The following HTT variants were observed in gnomAD, a reference collection of about 807,000 sequenced individuals.
The protein encoded by HTT is huntingtin.
Under a neutral mutation model 362.3 loss-of-function variants are expected in HTT, and 104 were observed. That is an observed-to-expected ratio of 0.29 (90% CI 0.24 to 0.34). HTT has a LOEUF of 0.34. Among genes scored for constraint, HTT ranks in the 10% least tolerant of loss-of-function variants. HTT has a pLI of 1.00. For missense variants in HTT, 3,301 were observed against 3,928.6 expected (o/e 0.84, Z 4.27); for synonymous variants, 1,577 against 1,548.7 (o/e 1.02, Z -0.43).
In HTT at chr4:3,218,489, C is replaced by T. The variant is rs551199178; in HGVS notation, c.7242+537C>T. 2.0e-4 allele frequency among the ~76,000 whole-genome samples: 30 copies of T among 152,116 alleles called. 1 individual carries two copies. Among genetic ancestry groups the T allele is most frequent in the African/African-American group, 6.7e-4 (28 of 41,492 alleles). ...CTCTACTAAAAATATAAAAATTAGCCAGGTGTGGTGGTGTACGCCTGTAAT... is the reference window on the plus strand; with the variant it reads ...CTCTACTAAAAATATAAAAATTAGCTAGGTGTGGTGGTGTACGCCTGTAAT... On this transcript the variant is annotated intron_variant, in intron 52 of 66. Transcript: ENST00000355072. The surrounding 1 kb of genome is among the most constrained non-coding windows in gnomAD (Gnocchi z 4.4).
chr4:3,104,005 A>G (rs894294888), intron 4 of HTT, 122 bp downstream of exon 4: 145 of 619,820 alleles, frequency 2.3e-4, no homozygotes, highest in Non-Finnish European at 3.6e-4. Flanking sequence ...TGATACAGGT[A>G]TACAATACAT....
At chr4:3,219,435 G>A (rs1427446533) in intron 52 of HTT, among the ~76,000 whole-genome samples, 1 of 152,170 alleles carries the variant, frequency 6.6e-6, no homozygotes, top group Non-Finnish European at 1.5e-5. Flanking sequence ...CATCTGGAAG[G>A]CAGCTGTAAC....
At chr4:3,220,357 G>T (rs1380858153) in intron 53 of HTT, 49 bp downstream of exon 53, 1 of 1,588,248 alleles carries the variant, frequency 6.3e-7, no homozygotes, top group Non-Finnish European at 8.6e-7. Flanking sequence ...ACATCTACCG[G>T]GAGGAAATCC....
At position 3,209,908 on chromosome 4, in the gene HTT, C is replaced by T. The variant is rs761383449; in HGVS notation, c.6373C>T (p.Arg2125Trp). The T allele has an allele frequency of 1.4e-5, 23 of 1,613,972 alleles. No individual in the cohort carries two copies. Among genetic ancestry groups the T allele is most frequent in the Middle Eastern group, 1.6e-4 (1 of 6,080 alleles). ...ALLEGAELVNRIPAEDMNAFM... is the reference protein window; with the variant it reads ...ALLEGAELVNWIPAEDMNAFM... ...GCTGGAAGGTGCAGAGCTGGTGAAT[C>T]GGATTCCTGCTGAAGATATGAATGC... is the stretch of plus-strand genomic sequence containing the variant. The change falls in exon 47 of 67, where the codon CGG (arginine) becomes TGG (tryptophan). Residue 2125 changes from arginine (R) to tryptophan (W), a missense_variant. By Grantham distance (101) the Arg-to-Trp change is moderately radical (BLOSUM62 -3). Transcript: ENST00000355072.
Position 3,243,107 on chromosome 4 carries a change from C to G in HTT, c.*3048C>G, listed in dbSNP as rs1721888406. 6.6e-6 allele frequency: 1 copy of G among 152,636 alleles called. No individual in the cohort carries two copies. The highest frequency in any genetic ancestry group is 1.5e-5 in the Non-Finnish European group (1 of 68,044). 9.5% of individuals were successfully genotyped at this position (152,636 alleles called of 1,614,324 possible). On this transcript the variant is annotated 3_prime_UTR_variant, in exon 67 of 67. Coordinates refer to ENST00000355072, the MANE Select transcript of HTT (RefSeq NM_001388492.1). Reference sequence around the variant, plus strand: ...TCGGAGCCAATGAACAGCTCCTCCTCTTGGAGCTGAGATGAGCCCCACGTG... The same window carrying G: ...TCGGAGCCAATGAACAGCTCCTCCTGTTGGAGCTGAGATGAGCCCCACGTG...
chr4:3,168,372 G>A (rs922667128), intron 29 of HTT, among the ~76,000 whole-genome samples: 6 of 152,202 alleles, frequency 3.9e-5, no homozygotes, highest in Admixed American at 1.3e-4. Context: ...ATGTGGCGAC[G>A]GGTATGAGCA....
intron 8 of HTT, among the ~76,000 whole-genome samples, chr4:3,119,940 A>G (rs1021291203): frequency 6.6e-6 from 1 of 152,214 alleles, no homozygotes; most frequent in Non-Finnish European, 1.5e-5. Flanking sequence ...CAGCTACTCA[A>G]CACTACCTTT....
At chr4:3,098,235 G>C (rs1713964403) in intron 2 of HTT, among the ~76,000 whole-genome samples, 1 of 152,204 alleles carries the variant, frequency 6.6e-6, no homozygotes, top group Non-Finnish European at 1.5e-5. Context: ...CTGAAATACT[G>C]CTAAGTGGCA....
intron 2 of HTT, among the ~76,000 whole-genome samples, chr4:3,089,227 T>C (rs1163032695): frequency 6.6e-6 from 1 of 152,136 alleles, no homozygotes. Flanking sequence ...CCCATTGCGA[T>C]GCCCATCATC....
At chr4:3,113,597 T>C (rs1714872274) in intron 6 of HTT, among the ~76,000 whole-genome samples, 1 of 152,212 alleles carries the variant, frequency 6.6e-6, no homozygotes, top group Admixed American at 6.5e-5. Flanking sequence ...CCCAAAGTGC[T>C]GGGATTACAG....
intron 21 of HTT, among the ~76,000 whole-genome samples, chr4:3,139,922 G>A (rs959793458): frequency 1.3e-5 from 2 of 152,200 alleles, no homozygotes; most frequent in Non-Finnish European, 2.9e-5. Flanking sequence ...ATTTAATAGT[G>A]TAAATAGAAA....
At chr4:3,129,833 G>A in intron 12 of HTT, 91 bp from the exon 13 acceptor site, 2 of 1,461,178 alleles carry the variant, frequency 1.4e-6, no homozygotes, top group Non-Finnish European at 9.6e-7. Context: ...TGTGTAAAAT[G>A]TGCTCTTTCC....
At position 3,074,926 on chromosome 4, in the gene HTT, AGCAGCAGCAACAG is replaced by A. The variant is rs1712404770; in HGVS notation, c.102_114del (p.Gln34HisfsTer63). 6 of 1,467,216 alleles carry A rather than the reference AGCAGCAGCAACAG, an allele frequency of 4.1e-6. No homozygotes were observed. Among genetic ancestry groups the A allele is most frequent in the South Asian group, 2.5e-5 (2 of 79,202 alleles). The allele number at this position is 1,467,216 out of a possible 1,614,324, so 90.9% of individuals were successfully genotyped here. A position where few individuals can be genotyped will look rare whatever the true frequency, so the allele number is the denominator to read the frequency against. ...CAGCAGCAGCAGCAGCAGCAGCAGC[AGCAGCAGCAACAG>A]CCGCCACCGCCGCCGCCGCCGCCGC... On this transcript the variant is annotated frameshift_variant, in exon 1 of 67. Transcript: ENST00000355072. LOFTEE classifies it high-confidence loss of function.
intron 29 of HTT, among the ~76,000 whole-genome samples, chr4:3,166,107 C>G (rs1187344704): frequency 6.6e-6 from 1 of 152,044 alleles, no homozygotes; most frequent in African/African-American, 2.4e-5. Context: ...TGTGGGTGTC[C>G]TTTTTGTTGA....
At chr4:3,235,432 G>T (rs757474010) in intron 62 of HTT, 34 bp downstream of exon 62, 13 of 1,513,466 alleles carry the variant, frequency 8.6e-6, no homozygotes, top group Non-Finnish European at 1.2e-5. Flanking sequence ...CTCTGCACAC[G>T]GGGAGTGGGC....
intron 2 of HTT, among the ~76,000 whole-genome samples, chr4:3,098,068 A>G (rs556440635): frequency 2.6e-5 from 4 of 152,276 alleles, no homozygotes; most frequent in African/African-American, 9.6e-5. Context: ...TTTTCTTTTT[A>G]CTTTTGATGC....
At chr4:3,155,219 A>T (rs1043394560) in intron 27 of HTT, among the ~76,000 whole-genome samples, 2 of 151,018 alleles carry the variant, frequency 1.3e-5, no homozygotes, top group South Asian at 2.1e-4. Flanking sequence ...TTATTTATTT[A>T]TTTTATTTAT....
chr4:3,107,265 G>A lies in HTT; in HGVS notation c.609-20G>A, dbSNP rs1311847376. 3.1e-6 allele frequency: 5 copies of A among 1,607,788 alleles called. No individual in the cohort carries two copies. Among genetic ancestry groups the A allele is most frequent in the Non-Finnish European group, 4.2e-6 (5 of 1,177,388 alleles). ...TGAAGGAGAGCTGGAAGAATGACTTGCGTTCTTTTGCATACACAGGCCTTA... is the reference window on the plus strand; with the variant it reads ...TGAAGGAGAGCTGGAAGAATGACTTACGTTCTTTTGCATACACAGGCCTTA... On this transcript the variant is annotated intron_variant, in intron 5 of 66. Coordinates refer to ENST00000355072, the MANE Select transcript of HTT (RefSeq NM_001388492.1).
chr4:3,158,890 C>T lies in HTT; in HGVS notation c.3754-1392C>T, dbSNP rs3025841. On this transcript the variant is annotated intron_variant, in intron 28 of 66. Coordinates refer to ENST00000355072, the MANE Select transcript of HTT (RefSeq NM_001388492.1). ...GAATTTCAGGGCACCTTTCCATGCT[C>T]CTAGTGCTTGCTATCTGTTTATTAT... 3.8e-3 allele frequency among the ~76,000 whole-genome samples: 582 copies of T among 152,246 alleles called. 19 individuals are homozygous for T. Among genetic ancestry groups the T allele is most frequent in the Admixed American group, 0.035 (538 of 15,290 alleles).
Sources: allele counts gnomAD v4.1 joint callset (sites outside exome capture counted in the v4.1 genomes callset), GRCh38; gene constraint gnomAD v4.1.1; non-coding constraint Gnocchi (gnomAD v3.1); transcripts MANE v1.5; gene names NCBI Gene and HGNC (gene_info 2026-07-23, HGNC 2026-07-21).